The following RFX8 variants were observed in gnomAD, a reference collection of about 807,000 sequenced individuals.
The protein encoded by RFX8 is regulatory factor X8, also known as DNA-binding protein RFX8.
Under a neutral mutation model 54.6 loss-of-function variants are expected in RFX8, and 46 were observed. The ratio of observed to expected loss-of-function variants is 0.84; its 90% CI spans 0.67 to 1.08. The LOEUF (loss-of-function observed/expected upper bound fraction) is 1.08. Ranked by LOEUF, RFX8 falls within the 50% of genes least tolerant of loss-of-function variation. The pLI is 0.00. For missense variants in RFX8, 536 were observed against 562.3 expected (o/e 0.95, Z 0.47); for synonymous variants, 192 against 209.5 (o/e 0.92, Z 0.72).
At chr2:101,447,504 C>G (rs1688455818) in intron 2 of RFX8, among the ~76,000 whole-genome samples, 2 of 152,178 alleles carry the variant, frequency 1.3e-5, no homozygotes, top group Admixed American at 1.3e-4. Context: ...TCTTTTTTAA[C>G]ATACTAATTG....
At chr2:101,445,256 T>G (rs1688307479) in intron 2 of RFX8, among the ~76,000 whole-genome samples, 2 of 152,170 alleles carry the variant, frequency 1.3e-5, no homozygotes, top group African/African-American at 4.8e-5. Flanking sequence ...TCAGGCCTTT[T>G]GCACAGCCCT....
rs6738374 is a variant in RFX8 at position 101,419,243 on chromosome 2, G to A, written c.238-279C>T. On this transcript the variant is annotated intron_variant, in intron 4 of 11. Transcript: ENST00000428343. The stretch of plus-strand genomic sequence containing the variant: ...GGGAAGCTGTTTCTGACCACAAGGG[G>A]GCTCCAGTTGATTATACTAGGATGA... Among the ~76,000 whole-genome samples, 798 of 152,272 alleles carry A rather than the reference G, an allele frequency of 5.2e-3. 7 individuals are homozygous for A. The highest frequency in any genetic ancestry group is 0.019 in the African/African-American group (770 of 41,534).
intron 2 of RFX8, among the ~76,000 whole-genome samples, chr2:101,464,142 T>A (rs1689438330): frequency 6.6e-6 from 1 of 152,196 alleles, no homozygotes; most frequent in African/African-American, 2.4e-5. Context: ...TATGTGTGCA[T>A]GAGTGAGTGT....
At chr2:101,431,838 AT>A (rs1480800139) in intron 2 of RFX8, among the ~76,000 whole-genome samples, 1 of 152,182 alleles carries the variant, frequency 6.6e-6, no homozygotes, top group Admixed American at 6.5e-5. Flanking sequence ...CCTCATCTTT[AT>A]AGGGAAGCCT....
At chr2:101,470,609 G>A (rs1394439359) in intron 1 of RFX8, among the ~76,000 whole-genome samples, 5 of 151,418 alleles carry the variant, frequency 3.3e-5, no homozygotes, top group African/African-American at 4.9e-5. Flanking sequence ...TCTTGAGACC[G>A]TTCATGATGT....
intron 2 of RFX8, among the ~76,000 whole-genome samples, chr2:101,461,059 G>A (rs144638701): frequency 0.02 from 3,035 of 151,508 alleles, 92 homozygotes; most frequent in African/African-American, 0.061. Context: ...ACGAGGTCAG[G>A]AGATCGAGAC....
At chr2:101,438,617 G>C (rs1400680903) in intron 2 of RFX8, among the ~76,000 whole-genome samples, 1 of 152,150 alleles carries the variant, frequency 6.6e-6, no homozygotes, top group Non-Finnish European at 1.5e-5. Flanking sequence ...TTGCTGGTTT[G>C]GGTGGTAAAT....
chr2:101,420,763 C>T (rs1354928904), intron 4 of RFX8, among the ~76,000 whole-genome samples: 1 of 152,076 alleles, frequency 6.6e-6, no homozygotes, highest in East Asian at 1.9e-4. Flanking sequence ...GGAAGCACTC[C>T]CTGGCCTTCT....
intron 1 of RFX8, among the ~76,000 whole-genome samples, chr2:101,473,083 C>T (rs1321714360): frequency 2.6e-5 from 4 of 152,114 alleles, no homozygotes; most frequent in Non-Finnish European, 5.9e-5. Flanking sequence ...GGGCCTCATG[C>T]AGCCCTTAGG....
chr2:101,422,181 G>A (rs770156790), intron 3 of RFX8, among the ~76,000 whole-genome samples, 181 bp downstream of exon 3: 1 of 152,158 alleles, frequency 6.6e-6, no homozygotes, highest in East Asian at 1.9e-4. Flanking sequence ...GGATGTGATA[G>A]GGAACCCTGA....
intron 4 of RFX8, among the ~76,000 whole-genome samples, chr2:101,420,272 TGGTTCACGGCTGTAATCCCAGC>T (rs1475238044): frequency 6.6e-6 from 1 of 152,082 alleles, no homozygotes; most frequent in Non-Finnish European, 1.5e-5. Context: ...CTGGGCGCGG[TGGTTCACGGCTGTAATCCCAGC>T]ACTTTGGGAG....
At chr2:101,414,119 T>A (rs1686338242) in intron 7 of RFX8, among the ~76,000 whole-genome samples, 1 of 152,176 alleles carries the variant, frequency 6.6e-6, no homozygotes, top group African/African-American at 2.4e-5. Flanking sequence ...AGAGCTGAAG[T>A]AACTGGTGGC....
At chr2:101,464,062 G>A (rs934748460) in intron 2 of RFX8, among the ~76,000 whole-genome samples, 5 of 152,166 alleles carry the variant, frequency 3.3e-5, no homozygotes, top group African/African-American at 1.2e-4. Flanking sequence ...CCAGCCACTG[G>A]ACACCTTCAG....
At chr2:101,445,747 C>G (rs527392352) in intron 2 of RFX8, among the ~76,000 whole-genome samples, 3 of 151,962 alleles carry the variant, frequency 2.0e-5, no homozygotes, top group African/African-American at 7.2e-5. Context: ...CTTTTTTATT[C>G]TTTTTTCCTA....
chr2:101,461,499 A>G (rs1231517617), intron 2 of RFX8, among the ~76,000 whole-genome samples: 1 of 152,144 alleles, frequency 6.6e-6, no homozygotes, highest in Non-Finnish European at 1.5e-5. Context: ...AGAAATTATG[A>G]GAAAGTATGC....
chr2:101,432,813 C>T (rs547046223), intron 2 of RFX8, among the ~76,000 whole-genome samples: 7 of 152,310 alleles, frequency 4.6e-5, no homozygotes, highest in Admixed American at 3.3e-4. Flanking sequence ...ACTTGCTCTC[C>T]GAGGCCTGTG....
rs573680064 is a variant in RFX8 at position 101,404,823 on chromosome 2, A to C, written c.928+1120T>G. On this transcript the variant is annotated intron_variant, in intron 10 of 11. Transcript: ENST00000428343. ...AGCAGAGTCAGTTTGGACTTCAGTG[A>C]AGGGAAGAGTCCCACTATAAGTGAG... Among the ~76,000 whole-genome samples, 11 of 152,290 alleles carry C rather than the reference A, an allele frequency of 7.2e-5. No individual in the cohort carries two copies. In the South Asian group the frequency reaches 1.9e-3, roughly 26 times the overall value.
chr2:101,408,471 A>C (rs565114871), intron 9 of RFX8, among the ~76,000 whole-genome samples: 18 of 144,882 alleles, frequency 1.2e-4, no homozygotes, highest in Admixed American at 1.2e-3. Flanking sequence ...GGCGACAGCG[A>C]GACTCCGTCT....
chr2:101,414,831 C>G, intron 7 of RFX8, 23 bp downstream of exon 7: 1 of 1,534,996 alleles, frequency 6.5e-7, no homozygotes. Context: ...TTGTTCCCTC[C>G]TATCTGCTTG....
Sources: allele counts gnomAD v4.1 joint callset (sites outside exome capture counted in the v4.1 genomes callset), GRCh38; gene constraint gnomAD v4.1.1; transcripts MANE v1.5; gene names NCBI Gene and HGNC (gene_info 2026-07-23, HGNC 2026-07-21).